The following EGR2 variants were observed in gnomAD, a reference collection of about 807,000 sequenced individuals.
EGR2 encodes the protein early growth response 2, also known as E3 SUMO-protein ligase EGR2.
A neutral mutation model predicts 21.2 loss-of-function variants in EGR2; 2 were observed. That is an observed-to-expected ratio of 0.09 (90% CI 0.04 to 0.30). EGR2 has a LOEUF of 0.30. Ranked by LOEUF, EGR2 falls within the 10% of genes least tolerant of loss-of-function variation. The pLI, the probability that EGR2 is intolerant of heterozygous loss-of-function variation, is 1.00. For missense variants in EGR2, 458 were observed against 630.2 expected (o/e 0.73, Z 2.93); for synonymous variants, 282 against 258.2 (o/e 1.09, Z -0.88).
chr10:62,815,290 C>T (rs1473249109), intron 1 of EGR2, among the ~76,000 whole-genome samples: 1 of 152,258 alleles, frequency 6.6e-6, no homozygotes, highest in Non-Finnish European at 1.5e-5. Flanking sequence ...CACTCGCTGC[C>T]TCCGCCGGCC....
In EGR2 at chr10:62,816,222, G is replaced by A. The variant is rs1842264626; in HGVS notation, c.-193C>T. ...TAGCAAACAAGTTGCTGTTTTTTAA[G>A]AAATAAGAAAAATGTCTATTTGCCA... On this transcript the variant is annotated 5_prime_UTR_variant, in exon 1 of 2. Transcript: ENST00000242480. 6.8e-7 allele frequency: 1 copy of A among 1,470,352 alleles called. No homozygotes were observed. The highest frequency in any genetic ancestry group is 1.3e-5 in the South Asian group (1 of 74,344). 91.1% of individuals were successfully genotyped at this position (1,470,352 alleles called of 1,614,324 possible).
chr10:62,818,252 C>A (rs1248432534), upstream of EGR2, among the ~76,000 whole-genome samples: 1 of 152,154 alleles, frequency 6.6e-6, no homozygotes, highest in Non-Finnish European at 1.5e-5. Flanking sequence ...CGGGAGCGGT[C>A]TCTCCCTCTG....
Position 62,815,943 on chromosome 10 carries a change from C to T in EGR2, c.87G>A (p.Glu29=). The T allele has an allele frequency of 6.2e-7, 1 of 1,614,212 alleles. No homozygotes were observed. Among genetic ancestry groups the T allele is most frequent in the Non-Finnish European group, 8.5e-7 (1 of 1,180,020 alleles). Residue 29 remains glutamate, a synonymous_variant, in exon 1 of 2, where the codon GAG becomes GAA. Coordinates refer to ENST00000242480, the MANE Select transcript of EGR2 (RefSeq NM_000399.5). ...TGGTCACCGACGTGGCGGCGAGGTC[C>T]TCCACCGGGTAGATGTTGTCAGACA... is the stretch of plus-strand genomic sequence containing the variant. ...HQLSDNIYPV[E]DLAATSVTIF...
In EGR2 at chr10:62,813,590, G is replaced by A; in HGVS notation, c.1048C>T (p.Arg350Trp). The A allele has an allele frequency of 6.2e-7, 1 of 1,612,672 alleles. No homozygotes were observed. The highest frequency in any genetic ancestry group is 8.5e-7 in the Non-Finnish European group (1 of 1,180,036). Residue 350 changes from arginine to tryptophan, a missense_variant, in exon 2 of 2, where the codon CGG becomes TGG. Arg to Trp is a moderately radical substitution (Grantham distance 101, BLOSUM62 -3). This residue lies in a region of EGR2 where 39 missense variants were observed against 113.7 expected (regional missense o/e 0.34). Coordinates refer to ENST00000242480, the MANE Select transcript of EGR2 (RefSeq NM_000399.5). The surrounding 1 kb of genome is among the most constrained non-coding windows in gnomAD (Gnocchi z 5.7). ...YPCPAEGCDR[R>W]FSRSDELTRH... ...GTCAGCTCGTCAGAGCGGGAGAACC[G>A]CCGGTCGCAGCCTTCTGCTGGGCAC...
At chr10:62,818,603 G>A, upstream of EGR2, 1 of 1,277,242 alleles carries the variant, frequency 7.8e-7, no homozygotes, top group Non-Finnish European at 1.0e-6. Flanking sequence ...GCTGACCATG[G>A]GCAAGACGAC....
chr10:62,814,357 C>A lies in EGR2; in HGVS notation c.281G>T (p.Gly94Val). 1 of 1,614,076 alleles carries A rather than the reference C, an allele frequency of 6.2e-7. No homozygotes were observed. Residue 94 changes from glycine to valine, a missense_variant, in exon 2 of 2, where the codon GGC (glycine) becomes GTC (valine). Gly to Val is a moderately radical substitution (Grantham distance 109). Transcript: ENST00000242480. This position sits in a 1 kb window ranked among gnomAD's most constrained non-coding sequence, Gnocchi z 4.8. ...APRNQTFTYM[G>V]KFSIDPQYPG... ...GTACTGAGGGTCAATGGAGAACTTG[C>A]CCATGTAAGTGAAGGTCTGGTTTCT...
chr10:62,814,403 A>T lies in EGR2; in HGVS notation c.235T>A (p.Phe79Ile), dbSNP rs1842209779. ...RSLDLPYPSS[F>I]APVSAPRNQT... ...TTTCTAGGTGCAGAGACGGGAGCAA[A>T]GCTGCTGGGATATGGGAGATCCAAC... is the stretch of plus-strand genomic sequence containing the variant. The change falls in exon 2 of 2, where the codon TTT becomes ATT. Residue 79 changes from phenylalanine (F) to isoleucine (I), a missense_variant. By Grantham distance (21) the Phe-to-Ile change is conservative. Transcript: ENST00000242480. The surrounding 1 kb of genome is among the most constrained non-coding windows in gnomAD (Gnocchi z 4.8). The T allele has an allele frequency of 6.2e-7, 1 of 1,614,136 alleles. No homozygotes were observed. The highest frequency in any genetic ancestry group is 8.5e-7 in the Non-Finnish European group (1 of 1,180,024).
rs1221566667 is a variant in EGR2 at position 62,813,908 on chromosome 10, G to A, written c.730C>T (p.Pro244Ser). Residue 244 changes from proline to serine, a missense_variant, in exon 2 of 2, where the codon CCA (proline) becomes TCA (serine). This residue lies in a region of EGR2 where 253 missense variants were observed against 315.5 expected (regional missense o/e 0.80). Coordinates refer to ENST00000242480, the MANE Select transcript of EGR2 (RefSeq NM_000399.5). This position sits in a 1 kb window ranked among gnomAD's most constrained non-coding sequence, Gnocchi z 5.7. ...GGGCAGGGAAAGGGCTTACGGTCTG[G>A]GCCAGCTGTACCATGTAGGTCTCTC... ...CQRDLHGTAG[P>S]DRKPFPCPLD... is the part of the protein sequence containing the mutation. 5 of 1,614,190 alleles carry A rather than the reference G, an allele frequency of 3.1e-6. No homozygotes were observed. In the South Asian group the frequency reaches 3.3e-5, roughly 11 times the overall value.
Position 62,816,210 on chromosome 10 carries a change from G to A in EGR2, c.-181C>T, listed in dbSNP as rs372562240. On this transcript the variant is annotated 5_prime_UTR_variant, in exon 1 of 2. Transcript: ENST00000242480. ...CAGAAATAAAAGTAGCAAACAAGTTGCTGTTTTTTAAGAAATAAGAAAAAT... is the reference window on the plus strand; with the variant it reads ...CAGAAATAAAAGTAGCAAACAAGTTACTGTTTTTTAAGAAATAAGAAAAAT... 1 of 1,489,268 alleles carries A rather than the reference G, an allele frequency of 6.7e-7. No homozygotes were observed. The highest frequency in any genetic ancestry group is 1.3e-5 in the South Asian group (1 of 78,376). 92.3% of individuals were successfully genotyped at this position (1,489,268 alleles called of 1,614,324 possible).
chr10:62,815,873 C>T lies in EGR2; in HGVS notation c.157G>A (p.Gly53Arg). 2 of 1,614,080 alleles carry T rather than the reference C, an allele frequency of 1.2e-6. No homozygotes were observed. The highest frequency in any genetic ancestry group is 8.5e-7 in the Non-Finnish European group (1 of 1,179,924). Residue 53 changes from glycine to arginine, a missense_variant, in exon 1 of 2, where the codon GGA (glycine) becomes AGA (arginine). Gly to Arg is a moderately radical substitution (Grantham distance 125). Around this residue, in one of 5 missense-constraint regions of EGR2, gnomAD observed 91 missense variants for 105.2 expected, o/e 0.87. Coordinates refer to ENST00000242480, the MANE Select transcript of EGR2 (RefSeq NM_000399.5). ...ACACGCGGCTTACCTCCGGCCACTC[C>T]GTTCATCTGGTCAAAGGGGCCTCCC... ...ELGGPFDQMN[G>R]VAGDGMINID...
At chr10:62,817,038 A>T (rs1051988412), upstream of EGR2, among the ~76,000 whole-genome samples, 43 of 152,196 alleles carry the variant, frequency 2.8e-4, no homozygotes, top group African/African-American at 9.9e-4. This position sits in a 1 kb window ranked among gnomAD's most constrained non-coding sequence, Gnocchi z 4.4. Context: ...CGAAAACGGA[A>T]CAGGTTTGGG....
chr10:62,812,796 G>T lies in EGR2; in HGVS notation c.*411C>A, dbSNP rs1002895805. 3 of 167,200 alleles carry T rather than the reference G, an allele frequency of 1.8e-5. 1 individual carries two copies. Among genetic ancestry groups the T allele is most frequent in the African/African-American group, 7.2e-5 (3 of 41,884 alleles). 10.4% of individuals were successfully genotyped at this position (167,200 alleles called of 1,614,324 possible). A position where few individuals can be genotyped will look rare whatever the true frequency, so the allele number is the denominator to read the frequency against. Reference sequence around the variant, plus strand: ...TTGCTGTCCCCACTTGAAGGGATCAGCATCTCCCAACCTATTGTAGAAAAC... The same window carrying T: ...TTGCTGTCCCCACTTGAAGGGATCATCATCTCCCAACCTATTGTAGAAAAC... On this transcript the variant is annotated 3_prime_UTR_variant, in exon 2 of 2. Transcript: ENST00000242480.
In EGR2 at chr10:62,816,045, C is replaced by T. The variant is rs1213086005; in HGVS notation, c.-16G>A. Reference sequence around the variant, plus strand: ...CGGTCATCATTTGCTCCTCGCACAACCTGGAGACCCAACTCCCTCGCTACC... The same window carrying T: ...CGGTCATCATTTGCTCCTCGCACAATCTGGAGACCCAACTCCCTCGCTACC... On this transcript the variant is annotated 5_prime_UTR_variant, in exon 1 of 2. Transcript: ENST00000242480. 1 of 1,613,946 alleles carries T rather than the reference C, an allele frequency of 6.2e-7. No individual in the cohort carries two copies. Among genetic ancestry groups the T allele is most frequent in the East Asian group, 2.2e-5 (1 of 44,896 alleles).
At position 62,814,850 on chromosome 10, in the gene EGR2, T is replaced by C. The variant is rs1226009206; in HGVS notation, c.170-382A>G. Among the ~76,000 whole-genome samples the C allele has an allele frequency of 6.6e-6, 1 of 152,224 alleles. No homozygotes were observed. Among genetic ancestry groups the C allele is most frequent in the African/African-American group, 2.4e-5 (1 of 41,462 alleles). On this transcript the variant is annotated intron_variant, in intron 1 of 1. Coordinates refer to ENST00000242480, the MANE Select transcript of EGR2 (RefSeq NM_000399.5). The surrounding 1 kb of genome is among the most constrained non-coding windows in gnomAD (Gnocchi z 4.8). The stretch of plus-strand genomic sequence containing the variant: ...CTTTTTTGCCTGGGGGTTCCACGGC[T>C]GAGGCACCAAGACAAACACCACCCA...
chr10:62,816,771 C>T (rs977322644), upstream of EGR2, among the ~76,000 whole-genome samples: 1 of 152,160 alleles, frequency 6.6e-6, no homozygotes, highest in Non-Finnish European at 1.5e-5. Flanking sequence ...GCCTCCCTAG[C>T]CCTTGTTTGG....
rs11325764 is a variant in EGR2, at chr10:62,812,277, AT to A, written c.*929del. The A allele has an allele frequency of 0.99, 152,081 of 152,852 alleles. 75,660 individuals are homozygous for A. The highest frequency in any genetic ancestry group is 1 in the East Asian group (5,316 of 5,316). The allele number at this position is 152,852 out of a possible 1,614,324, so 9.5% of individuals were successfully genotyped here. ...ACAGCCATACTAAACTCAGGGAGTG[AT>A]TTTTTTTCTCCATAATAAGGCAACC... On this transcript the variant is annotated 3_prime_UTR_variant, in exon 2 of 2. Transcript: ENST00000242480.
Position 62,813,195 on chromosome 10 carries a change from C to A in EGR2, c.*12G>T. ...GACCTTTGGGAGCTGGTGTATCAGCCTGAGTCTCATCTCAAGGTGTCCGGG... is the reference window on the plus strand; with the variant it reads ...GACCTTTGGGAGCTGGTGTATCAGCATGAGTCTCATCTCAAGGTGTCCGGG... On this transcript the variant is annotated 3_prime_UTR_variant, in exon 2 of 2. Transcript: ENST00000242480. The surrounding 1 kb of genome is among the most constrained non-coding windows in gnomAD (Gnocchi z 5.7). 1 of 1,556,204 alleles carries A rather than the reference C, an allele frequency of 6.4e-7. No homozygotes were observed. Among genetic ancestry groups the A allele is most frequent in the Non-Finnish European group, 8.6e-7 (1 of 1,157,222 alleles).
chr10:62,817,738 C>G (rs1589084060), upstream of EGR2, among the ~76,000 whole-genome samples: 1 of 152,300 alleles, frequency 6.6e-6, no homozygotes, highest in East Asian at 1.9e-4. This position sits in a 1 kb window ranked among gnomAD's most constrained non-coding sequence, Gnocchi z 4.4. Context: ...TGCGAGACCC[C>G]GGTAGAAACC....
chr10:62,812,778 C>T lies in EGR2; in HGVS notation c.*429G>A, dbSNP rs114237833. 8.4e-3 allele frequency: 1,356 copies of T among 161,322 alleles called. 16 individuals carry two copies. The highest frequency in any genetic ancestry group is 0.031 in the African/African-American group (1,300 of 41,810). 10.0% of individuals were successfully genotyped at this position (161,322 alleles called of 1,614,324 possible). ...TCAGTTTTGCTTGTCTTTTTGCTGT[C>T]CCCACTTGAAGGGATCAGCATCTCC... On this transcript the variant is annotated 3_prime_UTR_variant, in exon 2 of 2. Transcript: ENST00000242480.
Sources: allele counts gnomAD v4.1 joint callset (sites outside exome capture counted in the v4.1 genomes callset), GRCh38; gene constraint gnomAD v4.1.1; regional missense constraint gnomAD v4.1.1; non-coding constraint Gnocchi (gnomAD v3.1); transcripts MANE v1.5; gene names NCBI Gene and HGNC (gene_info 2026-07-23, HGNC 2026-07-21).